AVL9: variants seen among roughly 807,000 people sequenced by gnomAD.
AVL9 encodes the protein late secretory pathway protein AVL9 homolog.
In AVL9, 49 loss-of-function variants were observed where a neutral mutation model predicts 79.2. The ratio of observed to expected loss-of-function variants is 0.62; its 90% confidence interval spans 0.49 to 0.79. The LOEUF (loss-of-function observed/expected upper bound fraction) is 0.79, where lower values mean the gene tolerates loss of function less well. Ranked by LOEUF, AVL9 falls within the 30% of genes least tolerant of loss-of-function variation. The pLI is 0.00. For synonymous variants in AVL9, 299 were observed against 280.6 expected, an observed-to-expected ratio of 1.07 and a Z score of -0.65; for missense variants, 682 against 776.8, an observed-to-expected ratio of 0.88 and a Z score of 1.45.
chr7:32,586,572 C>T lies in AVL9; in HGVS notation c.*2665C>T, dbSNP rs1398045399. On this transcript the variant is annotated 3_prime_UTR_variant, in exon 16 of 16. Coordinates refer to ENST00000318709, the MANE Select transcript of AVL9 (RefSeq NM_015060.3). ...CCCTGGCTCTGTGAGCCATAGGAAC[C>T]AGCACTAGGTCATCTTCTGACATAG... is the stretch of plus-strand genomic sequence containing the variant. The T allele has an allele frequency of 2.0e-5, 3 of 152,112 alleles. No homozygotes were observed. The highest frequency in any genetic ancestry group is 4.4e-5 in the Non-Finnish European group (3 of 68,056). The allele number at this position is 152,112 out of a possible 1,614,324, so 9.4% of individuals were successfully genotyped here.
chr7:32,574,404 G>A (rs1262554784), intron 12 of AVL9, among the ~76,000 whole-genome samples: 2 of 152,168 alleles, frequency 1.3e-5, no homozygotes, highest in African/African-American at 4.8e-5. Context: ...CAATGTAGCA[G>A]CTGAGACACC....
At chr7:32,548,144 C>CTCT (rs1227025763) in intron 3 of AVL9, among the ~76,000 whole-genome samples, 3 of 57,586 alleles carry the variant, frequency 5.2e-5, no homozygotes, top group African/African-American at 1.6e-4. Context: ...TTTGTCATCT[C>CTCT]TTTTTTCTTT....
At chr7:32,565,977 C>A (rs1259817108) in intron 10 of AVL9, among the ~76,000 whole-genome samples, 14 of 139,292 alleles carry the variant, frequency 1.0e-4, no homozygotes, top group African/African-American at 1.1e-4. Flanking sequence ...CACTGCACTC[C>A]AAAAAAAAAA....
chr7:32,558,956 G>A lies in AVL9; in HGVS notation c.707G>A (p.Cys236Tyr), dbSNP rs749849373. The A allele has an allele frequency of 9.4e-6, 15 of 1,598,852 alleles. No individual in the cohort carries two copies. The highest frequency in any genetic ancestry group is 1.2e-5 in the Non-Finnish European group (14 of 1,173,680). The change falls in exon 10 of 16, where the codon TGT becomes TAT. Residue 236 changes from cysteine (C) to tyrosine (Y), a missense_variant. Physicochemically the swap from Cys to Tyr is radical, Grantham distance 194 (BLOSUM62 -2). Transcript: ENST00000318709. ...ATGATTGAACATGGTCTCAGTGACTGTTCTCAGTATAGACCCCGGAAAAGT... is the reference window on the plus strand; with the variant it reads ...ATGATTGAACATGGTCTCAGTGACTATTCTCAGTATAGACCCCGGAAAAGT... Reference protein sequence around the residue: ...PGMIEHGLSDCSQYRPRKSMS... With the variant: ...PGMIEHGLSDYSQYRPRKSMS...
rs1477558136 is a variant in AVL9, at chr7:32,588,426, G to T, written c.*4519G>T. On this transcript the variant is annotated 3_prime_UTR_variant, in exon 16 of 16. Transcript: ENST00000318709. Reference sequence around the variant, plus strand: ...AAGGCATTTAGTGGTTACAAAAACAGTTTAAATATTTATGATTAAAGGCTT... The same window carrying T: ...AAGGCATTTAGTGGTTACAAAAACATTTTAAATATTTATGATTAAAGGCTT... 6.6e-6 allele frequency: 1 copy of T among 152,138 alleles called. No homozygotes were observed. The highest frequency in any genetic ancestry group is 1.5e-5 in the Non-Finnish European group (1 of 68,026). 9.4% of individuals were successfully genotyped at this position (152,138 alleles called of 1,614,324 possible). A position where few individuals can be genotyped will look rare whatever the true frequency, so the allele number is the denominator to read the frequency against.
At chr7:32,517,367 A>G (rs1249434011) in intron 1 of AVL9, among the ~76,000 whole-genome samples, 4 of 149,810 alleles carry the variant, frequency 2.7e-5, no homozygotes. Flanking sequence ...GCGCAGTGGC[A>G]TGATCTCAGC....
At chr7:32,553,628 T>C (rs1204509617) in intron 6 of AVL9, 99 bp from the exon 7 acceptor site, 1 of 817,374 alleles carries the variant, frequency 1.2e-6, no homozygotes, top group Non-Finnish European at 2.0e-6. Context: ...CCTACTTTTT[T>C]TTTTTTTTAA....
intron 1 of AVL9, among the ~76,000 whole-genome samples, chr7:32,517,619 A>C (rs1186154731): frequency 2.0e-5 from 3 of 152,036 alleles, no homozygotes; most frequent in Non-Finnish European, 2.9e-5. Flanking sequence ...TAAAATCTTT[A>C]ATCTAGCTTT....
chr7:32,527,072 T>G (rs1017452296), intron 1 of AVL9, among the ~76,000 whole-genome samples: 1 of 152,144 alleles, frequency 6.6e-6, no homozygotes, highest in East Asian at 1.9e-4. Context: ...CGTGTGAGAT[T>G]GTAAGGGCTG....
At chr7:32,536,143 CGTCTGTG>C (rs1788895605) in intron 1 of AVL9, 1 of 151,994 alleles carries the variant, frequency 6.6e-6, no homozygotes, top group South Asian at 2.1e-4. Context: ...CATTGGTTTT[CGTCTGTG>C]GTTTTTTTAC....
At chr7:32,529,538 A>G (rs1046331979) in intron 1 of AVL9, among the ~76,000 whole-genome samples, 8 of 152,250 alleles carry the variant, frequency 5.3e-5, no homozygotes, top group Admixed American at 5.2e-4. Context: ...GCAAAGATTT[A>G]TTAGCCTTCT....
At chr7:32,502,891 A>C (rs915759687) in intron 1 of AVL9, among the ~76,000 whole-genome samples, 2 of 152,182 alleles carry the variant, frequency 1.3e-5, no homozygotes, top group African/African-American at 4.8e-5. Flanking sequence ...TTATTTCCCA[A>C]TGTCAATACT....
chr7:32,511,392 G>C (rs1329932338), intron 1 of AVL9, among the ~76,000 whole-genome samples: 1 of 151,508 alleles, frequency 6.6e-6, no homozygotes, highest in Non-Finnish European at 1.5e-5. Flanking sequence ...AATCTCTCCA[G>C]GGTGAGATTT....
chr7:32,498,929 C>CAAGT (rs376433732), intron 1 of AVL9, among the ~76,000 whole-genome samples: 83,036 of 83,060 alleles, frequency 1, 41,506 homozygotes, highest in Middle Eastern at 1. Flanking sequence ...TTTGGGAGGC[C>CAAGT]GAGGCGGGTG....
At chr7:32,500,387 T>C (rs1016548160) in intron 1 of AVL9, among the ~76,000 whole-genome samples, 1 of 152,244 alleles carries the variant, frequency 6.6e-6, no homozygotes, top group Non-Finnish European at 1.5e-5. Flanking sequence ...CAGATATCTT[T>C]TGAGAAGTGT....
At chr7:32,567,736 CAG>C (rs1405334036) in intron 10 of AVL9, among the ~76,000 whole-genome samples, 2 of 150,698 alleles carry the variant, frequency 1.3e-5, no homozygotes, top group East Asian at 1.9e-4. Flanking sequence ...ATTTTTGAGA[CAG>C]AGTTTTGCCC....
Position 32,580,264 on chromosome 7 carries a change from G to A in AVL9, c.1734G>A (p.Arg578=). The change falls in exon 14 of 16, where the codon AGG becomes AGA. Residue 578 remains arginine, a synonymous_variant. Transcript: ENST00000318709. ...GQYSVSDMKL[R]FSHSVQNSER... is the part of the protein sequence containing the mutation. Reference sequence around the variant, plus strand: ...ACTCAGTATCAGACATGAAGTTAAGGTTCTCACAGTAAGTACTTAGAGAAA... The same window carrying A: ...ACTCAGTATCAGACATGAAGTTAAGATTCTCACAGTAAGTACTTAGAGAAA... The A allele has an allele frequency of 6.2e-7, 1 of 1,610,586 alleles. No homozygotes were observed. The highest frequency in any genetic ancestry group is 1.1e-5 in the South Asian group (1 of 90,500).
intron 1 of AVL9, chr7:32,534,286 A>G (rs901377263): frequency 8.5e-5 from 13 of 152,226 alleles, no homozygotes; most frequent in African/African-American, 3.1e-4. Context: ...TATTGGTTAC[A>G]TACAAAGTCA....
At position 32,586,477 on chromosome 7, in the gene AVL9, C is replaced by CAA. The variant is rs1459186355; in HGVS notation, c.*2571_*2572insAA. ...GGTCCTGTGACCCCCCCCCCCCACA[C>CAA]ACACACATACTTCAGGCTTGGATTC... On this transcript the variant is annotated 3_prime_UTR_variant, in exon 16 of 16. Coordinates refer to ENST00000318709, the MANE Select transcript of AVL9 (RefSeq NM_015060.3). The CAA allele has an allele frequency of 1.3e-5, 2 of 149,816 alleles. No individual in the cohort carries two copies. The highest frequency in any genetic ancestry group is 5.0e-5 in the African/African-American group (2 of 40,252). The allele number at this position is 149,816 out of a possible 1,614,324, so 9.3% of individuals were successfully genotyped here.
Sources: allele counts gnomAD v4.1 joint callset (sites outside exome capture counted in the v4.1 genomes callset), GRCh38; gene constraint gnomAD v4.1.1; transcripts MANE v1.5; gene names NCBI Gene and HGNC (gene_info 2026-07-23, HGNC 2026-07-21).